The following ADAM23 variants were observed in gnomAD, a reference collection of about 807,000 sequenced individuals.
The protein encoded by ADAM23 is disintegrin and metalloproteinase domain-containing protein 23.
Under a neutral mutation model 120.1 loss-of-function variants are expected in ADAM23, and 33 were observed. The observed-to-expected ratio is 0.27, with a 90% CI of 0.21 to 0.37. The LOEUF is 0.37. ADAM23 is among the 10% of genes least tolerant of loss of function. The probability of loss-of-function intolerance (pLI) is 1.00; values close to 1 mark genes in which losing one functional copy is unlikely to be tolerated. For synonymous variants in ADAM23, 367 were observed against 375.2 expected, an observed-to-expected ratio of 0.98 and a Z score of 0.25; for missense variants, 862 against 1,058.2, an observed-to-expected ratio of 0.81 and a Z score of 2.57.
intron 25 of ADAM23, among the ~76,000 whole-genome samples, chr2:206,614,745 A>AT (rs917932485): frequency 3.3e-5 from 5 of 152,174 alleles, no homozygotes; most frequent in Non-Finnish European, 7.4e-5. Flanking sequence ...AGTAAACACC[A>AT]TTTTTTGTGG....
At chr2:206,504,816 C>G (rs1696462572) in intron 3 of ADAM23, among the ~76,000 whole-genome samples, 1 of 152,244 alleles carries the variant, frequency 6.6e-6, no homozygotes, top group South Asian at 2.1e-4. Flanking sequence ...TCTTGTCATT[C>G]TCCTTTACTA....
At chr2:206,518,502 A>C (rs1696779224) in intron 3 of ADAM23, among the ~76,000 whole-genome samples, 1 of 152,160 alleles carries the variant, frequency 6.6e-6, no homozygotes, top group African/African-American at 2.4e-5. Context: ...GTGATTAAAA[A>C]CATGTTAGCA....
chr2:206,464,070 T>C (rs1256190372), intron 2 of ADAM23, among the ~76,000 whole-genome samples: 1 of 152,198 alleles, frequency 6.6e-6, no homozygotes, highest in East Asian at 1.9e-4. Context: ...TTTTGAAGGA[T>C]ACATATGAGC....
At chr2:206,527,981 A>T (rs561688557) in intron 3 of ADAM23, among the ~76,000 whole-genome samples, 5 of 152,146 alleles carry the variant, frequency 3.3e-5, no homozygotes, top group Non-Finnish European at 5.9e-5. Flanking sequence ...AGAAGAAGAG[A>T]CCCTTAAAAA....
intron 2 of ADAM23, among the ~76,000 whole-genome samples, chr2:206,464,115 G>C (rs138708627): frequency 9.7e-4 from 147 of 152,240 alleles, no homozygotes; most frequent in Admixed American, 2.2e-3. Context: ...GTTTAATTTG[G>C]GGGGAAGGCT....
At chr2:206,469,567 A>G (rs1339793676) in intron 2 of ADAM23, among the ~76,000 whole-genome samples, 2 of 152,230 alleles carry the variant, frequency 1.3e-5, no homozygotes, top group Non-Finnish European at 2.9e-5. Flanking sequence ...AGTCCGCACA[A>G]TAGCTTCCAG....
At chr2:206,592,888 T>C (rs1471075839) in intron 22 of ADAM23, 152 bp downstream of exon 22, 6 of 1,037,890 alleles carry the variant, frequency 5.8e-6, no homozygotes, top group Non-Finnish European at 8.2e-6. Context: ...ATATTGACAG[T>C]CACTTAAAAA....
chr2:206,509,099 C>G (rs923389454), intron 3 of ADAM23, among the ~76,000 whole-genome samples: 1 of 152,232 alleles, frequency 6.6e-6, no homozygotes, highest in Admixed American at 6.5e-5. Context: ...TTTTCATTGT[C>G]AGAAATCTTT....
intron 3 of ADAM23, among the ~76,000 whole-genome samples, chr2:206,496,749 T>C (rs1465268459): frequency 1.3e-5 from 2 of 151,652 alleles, no homozygotes; most frequent in African/African-American, 2.4e-5. Flanking sequence ...ATTGATAGAC[T>C]GCTAGCAAGA....
At chr2:206,561,063 T>C (rs1450615765) in intron 11 of ADAM23, 65 bp from the exon 12 acceptor site, 1 of 1,413,992 alleles carries the variant, frequency 7.1e-7, no homozygotes, top group Non-Finnish European at 1.0e-6. Context: ...GGTAGACATA[T>C]TTTGGGAGAG....
chr2:206,523,934 G>A lies in ADAM23; in HGVS notation c.510-6951G>A, dbSNP rs76409906. On this transcript the variant is annotated intron_variant, in intron 3 of 25. Transcript: ENST00000264377. The stretch of plus-strand genomic sequence containing the variant: ...TGGGCATAACAATGTCACTACGCTC[G>A]AGGCTCCATGAAGTTGAGAGTCTCC... Among the ~76,000 whole-genome samples, 1,048 of 152,164 alleles carry A rather than the reference G, an allele frequency of 6.9e-3. 13 individuals carry two copies. Among genetic ancestry groups the A allele is most frequent in the African/African-American group, 0.024 (988 of 41,522 alleles).
At chr2:206,541,974 C>G in intron 4 of ADAM23, 78 bp from the exon 5 acceptor site, 1 of 1,440,532 alleles carries the variant, frequency 6.9e-7, no homozygotes, top group Non-Finnish European at 9.8e-7. Flanking sequence ...CCTTGCATTT[C>G]TTTTTGCTTT....
Position 206,619,927 on chromosome 2 carries a change from G to A in ADAM23, c.*2300G>A, listed in dbSNP as rs1043823562. 6.6e-6 allele frequency: 1 copy of A among 152,194 alleles called. No homozygotes were observed. The highest frequency in any genetic ancestry group is 1.5e-5 in the Non-Finnish European group (1 of 68,034). The allele number at this position is 152,194 out of a possible 1,614,324, so 9.4% of individuals were successfully genotyped here. A position where few individuals can be genotyped will look rare whatever the true frequency, so the allele number is the denominator to read the frequency against. Reference sequence around the variant, plus strand: ...TTACTCCTGGCTTCATAGGACACAGGTAGCATCCCTCTAGTCATTGGCAAT... The same window carrying A: ...TTACTCCTGGCTTCATAGGACACAGATAGCATCCCTCTAGTCATTGGCAAT... On this transcript the variant is annotated 3_prime_UTR_variant, in exon 26 of 26. Transcript: ENST00000264377.
At chr2:206,609,833 C>T in intron 24 of ADAM23, 77 bp from the exon 25 acceptor site, 2 of 1,197,452 alleles carry the variant, frequency 1.7e-6, no homozygotes, top group Non-Finnish European at 2.3e-6. Flanking sequence ...CTTCCTGAAA[C>T]TGCTTAACTG....
intron 6 of ADAM23, among the ~76,000 whole-genome samples, chr2:206,545,246 G>T (rs559249169): frequency 2.3e-4 from 35 of 152,260 alleles, no homozygotes; most frequent in African/African-American, 8.2e-4. Context: ...CTAGCACTTT[G>T]GGAGGCTGAG....
chr2:206,445,511 A>G lies in ADAM23; in HGVS notation c.419A>G (p.Gln140Arg), dbSNP rs1485545093. ...HVLDTKARHQ[Q>R]KHNKAVHLAQ... The stretch of plus-strand genomic sequence containing the variant: ...CTTGACACAAAGGCAAGACACCAGC[A>G]AAAACATAATAAGGTAGGCAGGAGG... Residue 140 changes from glutamine (Q) to arginine (R), a missense_variant, in exon 2 of 26, where the codon CAA (glutamine) becomes CGA (arginine). Physicochemically the swap from Gln to Arg is conservative, Grantham distance 43. This residue lies in a region of ADAM23 where 225 missense variants were observed against 204.0 expected (regional missense o/e 1.10). Coordinates refer to ENST00000264377, the MANE Select transcript of ADAM23 (RefSeq NM_003812.4). 1.2e-6 allele frequency: 2 copies of G among 1,613,386 alleles called. No homozygotes were observed. The highest frequency in any genetic ancestry group is 2.2e-5 in the East Asian group (1 of 44,880).
chr2:206,468,853 G>A (rs1236852962), intron 2 of ADAM23, among the ~76,000 whole-genome samples: 2 of 152,224 alleles, frequency 1.3e-5, no homozygotes, highest in Non-Finnish European at 2.9e-5. Context: ...AACCATGACA[G>A]CATCTGCTTC....
intron 9 of ADAM23, among the ~76,000 whole-genome samples, chr2:206,552,703 C>T (rs1414644202): frequency 6.6e-6 from 1 of 152,028 alleles, no homozygotes; most frequent in East Asian, 1.9e-4. Flanking sequence ...ACTCTGTCAC[C>T]CAGGCTGGAG....
chr2:206,465,714 A>G (rs949353556), intron 2 of ADAM23, among the ~76,000 whole-genome samples: 1 of 152,132 alleles, frequency 6.6e-6, no homozygotes, highest in Non-Finnish European at 1.5e-5. Flanking sequence ...TTTGTTTTTT[A>G]TTCTTTGGCA....
Sources: gnomAD v4.1 joint callset for allele counts (sites outside exome capture counted in the v4.1 genomes callset) on GRCh38, gnomAD v4.1.1 for gene constraint, gnomAD v4.1.1 regional missense constraint, MANE v1.5 for transcripts, NCBI Gene and HGNC (gene_info 2026-07-23, HGNC 2026-07-21) for gene names.